SPAG9: variants seen among roughly 807,000 people sequenced by gnomAD.
SPAG9 encodes the protein sperm associated antigen 9, also known as C-Jun-amino-terminal kinase-interacting protein 4.
Under a neutral mutation model 166.5 loss-of-function variants are expected in SPAG9, and 35 were observed. The observed-to-expected ratio is 0.21, with a 90% CI of 0.16 to 0.28. The LOEUF (loss-of-function observed/expected upper bound fraction) is 0.28, where lower values mean the gene tolerates loss of function less well. Ranked by LOEUF, SPAG9 falls within the 10% of genes least tolerant of loss-of-function variation. The pLI is 1.00. For synonymous variants in SPAG9, 534 were observed against 565.5 expected, an observed-to-expected ratio of 0.94 and a Z score of 0.79; for missense variants, 1,235 against 1,603.3, an observed-to-expected ratio of 0.77 and a Z score of 3.92.
intron 9 of SPAG9, chr17:51,007,831 C>T: frequency 2.2e-6 from 1 of 452,996 alleles, no homozygotes; most frequent in South Asian, 1.6e-5. Context: ...GCAGATGAAA[C>T]CTTACCAAAG....
At chr17:50,967,906 G>A (rs976921070) in intron 29 of SPAG9, among the ~76,000 whole-genome samples, 7 of 152,206 alleles carry the variant, frequency 4.6e-5, no homozygotes, top group African/African-American at 1.7e-4. Flanking sequence ...TAGAGATACT[G>A]CCAAACCTGG....
chr17:51,005,986 T>C (rs1021131833), intron 11 of SPAG9, 99 bp downstream of exon 11: 56 of 1,393,834 alleles, frequency 4.0e-5, no homozygotes, highest in Non-Finnish European at 5.4e-5. Flanking sequence ...CCTTCCAGGC[T>C]TGAGTGGACA....
intron 14 of SPAG9, 145 bp from the exon 15 acceptor site, chr17:50,998,762 T>C (rs555914266): frequency 1.5e-6 from 1 of 670,676 alleles, no homozygotes; most frequent in Non-Finnish European, 2.5e-6. Context: ...TTTGTAGTCA[T>C]ACGCTGTAGC....
At chr17:51,036,537 C>T (rs2046590958) in intron 5 of SPAG9, among the ~76,000 whole-genome samples, 1 of 152,102 alleles carries the variant, frequency 6.6e-6, no homozygotes, top group African/African-American at 2.4e-5. Context: ...TTCTTCTCCA[C>T]TCCAGCCCCC....
chr17:51,077,033 T>TAG (rs1568065402), intron 2 of SPAG9, among the ~76,000 whole-genome samples: 21 of 94,524 alleles, frequency 2.2e-4, no homozygotes, highest in African/African-American at 6.1e-4. Context: ...TAGCTATCTA[T>TAG]CTAGCTATCT....
intron 1 of SPAG9, among the ~76,000 whole-genome samples, chr17:51,119,613 T>C (rs1372406200): frequency 6.6e-6 from 1 of 152,150 alleles, no homozygotes; most frequent in African/African-American, 2.4e-5. Flanking sequence ...GGAAAAAGTG[T>C]TGCCAACTGT....
At chr17:50,985,129 C>T in intron 23 of SPAG9, 139 bp from the exon 24 acceptor site, 1 of 672,872 alleles carries the variant, frequency 1.5e-6, no homozygotes, top group East Asian at 2.6e-5. Context: ...TAAATGAACA[C>T]ACCACTTTCT....
At chr17:51,071,269 A>G (rs907457331) in intron 2 of SPAG9, among the ~76,000 whole-genome samples, 39 of 152,218 alleles carry the variant, frequency 2.6e-4, no homozygotes, top group African/African-American at 8.9e-4. Flanking sequence ...AACAGAGACA[A>G]TAAATATAAA....
chr17:51,087,924 T>G (rs779848059), intron 1 of SPAG9, among the ~76,000 whole-genome samples: 11 of 151,980 alleles, frequency 7.2e-5, no homozygotes, highest in Non-Finnish European at 1.3e-4. Context: ...TTCTTATTTT[T>G]AGTAGAGACA....
chr17:51,042,821 A>C (rs1027253956), intron 4 of SPAG9, among the ~76,000 whole-genome samples: 2 of 152,240 alleles, frequency 1.3e-5, no homozygotes, highest in African/African-American at 2.4e-5. Flanking sequence ...AGTTGTATGC[A>C]CAAGGAAATA....
chr17:51,116,569 C>A (rs919340367), intron 1 of SPAG9, among the ~76,000 whole-genome samples: 2 of 152,056 alleles, frequency 1.3e-5, no homozygotes, highest in Non-Finnish European at 2.9e-5. Flanking sequence ...GAGTTCCAGA[C>A]CAGACTGGGC....
intron 26 of SPAG9, among the ~76,000 whole-genome samples, chr17:50,977,865 C>T (rs941470773): frequency 1.3e-5 from 2 of 152,138 alleles, no homozygotes; most frequent in African/African-American, 4.8e-5. Context: ...GCCTGTGCAA[C>T]GGACCAAGAC....
At chr17:51,077,033 T>TCTAGCTATCTAGCTAGCTAGCTAG (rs2048013024) in intron 2 of SPAG9, among the ~76,000 whole-genome samples, 3 of 94,488 alleles carry the variant, frequency 3.2e-5, no homozygotes, top group Admixed American at 9.8e-5. Context: ...TAGCTATCTA[T>TCTAGCTATCTAGCTAGCTAGCTAG]CTAGCTATCT....
chr17:50,984,816 T>G, intron 24 of SPAG9, 107 bp downstream of exon 24: 1 of 868,880 alleles, frequency 1.2e-6, no homozygotes, highest in Non-Finnish European at 1.9e-6. Flanking sequence ...TGTTAGTATT[T>G]ATTCTTTAAA....
chr17:51,079,384 A>C (rs1375272067), intron 2 of SPAG9, among the ~76,000 whole-genome samples, 200 bp downstream of exon 2: 1 of 152,048 alleles, frequency 6.6e-6, no homozygotes, highest in Non-Finnish European at 1.5e-5. Context: ...GATTACAGTC[A>C]TGCACAACCA....
chr17:51,019,824 C>T (rs1252735092), intron 8 of SPAG9, among the ~76,000 whole-genome samples: 2 of 152,106 alleles, frequency 1.3e-5, no homozygotes, highest in African/African-American at 4.8e-5. Flanking sequence ...TGCACTCCAG[C>T]CTGGGCAACA....
At chr17:50,999,573 T>A in intron 14 of SPAG9, 88 bp downstream of exon 14, 1 of 1,437,294 alleles carries the variant, frequency 7.0e-7, no homozygotes, top group Non-Finnish European at 9.5e-7. Context: ...GGAAAGAAAA[T>A]GGACATAAAA....
intron 9 of SPAG9, 73 bp downstream of exon 9, chr17:51,014,159 G>C: frequency 7.2e-7 from 1 of 1,389,462 alleles, no homozygotes; most frequent in South Asian, 1.4e-5. Flanking sequence ...CATTTTAAAG[G>C]ACTTTTCAAT....
chr17:51,010,581 AAATAT>A (rs897190454), intron 9 of SPAG9, among the ~76,000 whole-genome samples: 16 of 130,566 alleles, frequency 1.2e-4, no homozygotes, highest in African/African-American at 4.4e-4. Flanking sequence ...AAAAAAAAAA[AAATAT>A]ATATATATAT....
Sources: gnomAD v4.1 joint callset for allele counts (sites outside exome capture counted in the v4.1 genomes callset) on GRCh38, gnomAD v4.1.1 for gene constraint, MANE v1.5 for transcripts, NCBI Gene and HGNC (gene_info 2026-07-23, HGNC 2026-07-21) for gene names.